FAM120C: variants seen among roughly 807,000 people sequenced by gnomAD.
FAM120C encodes the protein constitutive coactivator of PPAR-gamma-like protein 2.
FAM120C carries 14 observed loss-of-function variants against 71.2 expected under a neutral mutation model. The observed-to-expected ratio is 0.20, with a 90% confidence interval of 0.13 to 0.31. FAM120C has a LOEUF of 0.31. Ranked by LOEUF, FAM120C falls within the 10% of genes least tolerant of loss-of-function variation. The probability of loss-of-function intolerance (pLI) is 1.00; values close to 1 mark genes in which losing one functional copy is unlikely to be tolerated. For synonymous variants in FAM120C, 354 were observed against 353.2 expected (o/e 1.00, Z -0.03); for missense variants, 500 against 879.0 (o/e 0.57, Z 5.45).
chrX:54,112,734 A>G (rs1325558375), intron 10 of FAM120C, among the ~76,000 whole-genome samples: 6 of 108,345 alleles, frequency 5.5e-5, no homozygotes, highest in Non-Finnish European at 1.9e-5. Context: ...CCAGCTACTC[A>G]GGAGGCTGAG....
At chrX:54,096,454 C>A (rs782775399) in intron 10 of FAM120C, among the ~76,000 whole-genome samples, 2 of 111,600 alleles carry the variant, frequency 1.8e-5, no homozygotes, top group South Asian at 7.5e-4. Flanking sequence ...GTAATCTTAC[C>A]ATTTAGATAT....
chrX:54,148,363 T>G (rs5914054), intron 4 of FAM120C, among the ~76,000 whole-genome samples: 6 of 110,566 alleles, frequency 5.4e-5, no homozygotes, highest in Non-Finnish European at 1.1e-4. Flanking sequence ...AACAAAAATG[T>G]TGGCCAGGTG....
chrX:54,104,564 T>C (rs2066896783), intron 10 of FAM120C, among the ~76,000 whole-genome samples: 1 of 111,649 alleles, frequency 9.0e-6, no homozygotes, highest in Admixed American at 9.6e-5. Context: ...TCCCAACACT[T>C]TGAGAGGCCG....
chrX:54,099,409 T>G (rs1327364263), intron 10 of FAM120C, among the ~76,000 whole-genome samples: 3 of 111,767 alleles, frequency 2.7e-5, no homozygotes, highest in Non-Finnish European at 5.6e-5. Context: ...GATACATGGT[T>G]TGCAAATATT....
chrX:54,125,507 T>C (rs185203037), intron 9 of FAM120C, among the ~76,000 whole-genome samples: 2 of 112,059 alleles, frequency 1.8e-5, no homozygotes, highest in East Asian at 5.6e-4. Flanking sequence ...GGTCTCTCCA[T>C]GTTGCCCAGG....
rs1394328074 is a variant in FAM120C at position 54,112,334 on chromosome X, T to C, written c.2312+4211A>G. 1.3e-4 allele frequency among the ~76,000 whole-genome samples: 14 copies of C among 109,976 alleles called. No individual in the cohort carries two copies. In the Admixed American group the frequency reaches 1.3e-3, roughly 10 times the overall value. The stretch of plus-strand genomic sequence containing the variant: ...CGAGAGGCTGAGGCAGGAGAATCGC[T>C]TGAACCCGAAAGGCAGAGGTTGTCG... On this transcript the variant is annotated intron_variant, in intron 10 of 15. Coordinates refer to ENST00000375180, the MANE Select transcript of FAM120C (RefSeq NM_017848.6).
At chrX:54,155,494 A>G (rs782193416) in intron 3 of FAM120C, among the ~76,000 whole-genome samples, 1 of 111,696 alleles carries the variant, frequency 9.0e-6, no homozygotes, top group South Asian at 3.8e-4. Flanking sequence ...TTAACTGAGA[A>G]GTTATACTGG....
chrX:54,102,945 C>T (rs1201948700), intron 10 of FAM120C, among the ~76,000 whole-genome samples: 2 of 110,405 alleles, frequency 1.8e-5, no homozygotes, highest in Non-Finnish European at 3.8e-5. Context: ...GTCTCGATCT[C>T]TTGACCTCAT....
chrX:54,079,881 T>C (rs1268715356), intron 15 of FAM120C, among the ~76,000 whole-genome samples: 2 of 111,817 alleles, frequency 1.8e-5, no homozygotes, highest in African/African-American at 6.5e-5. Flanking sequence ...GCATATCTGG[T>C]GGCCCCTCAG....
At chrX:54,160,605 C>T (rs1426777053) in intron 1 of FAM120C, among the ~76,000 whole-genome samples, 11 of 111,392 alleles carry the variant, frequency 9.9e-5, no homozygotes, top group East Asian at 2.8e-4. Flanking sequence ...ATCTGTATAC[C>T]GGCTCCACCA....
intron 4 of FAM120C, among the ~76,000 whole-genome samples, chrX:54,145,478 C>A (rs1454459509): frequency 8.9e-6 from 1 of 111,804 alleles, no homozygotes; most frequent in African/African-American, 3.2e-5. Flanking sequence ...CAAACAACCC[C>A]ATCAAAAAGT....
At chrX:54,180,566 A>G (rs1557137233) in intron 1 of FAM120C, among the ~76,000 whole-genome samples, 1 of 112,319 alleles carries the variant, frequency 8.9e-6, no homozygotes, top group African/African-American at 3.2e-5. Context: ...CCCAGGAGCC[A>G]AGGAAGAGTT....
At chrX:54,144,669 C>A (rs377587979) in intron 4 of FAM120C, among the ~76,000 whole-genome samples, 1 of 111,962 alleles carries the variant, frequency 8.9e-6, no homozygotes, top group East Asian at 2.8e-4. Context: ...TAAAAGAGGA[C>A]ACAAACAAAT....
intron 15 of FAM120C, among the ~76,000 whole-genome samples, chrX:54,074,538 C>A (rs782158688): frequency 8.9e-6 from 1 of 112,590 alleles, no homozygotes; most frequent in African/African-American, 3.2e-5. Context: ...CCTGCCTCAG[C>A]CTCCCGAGTA....
intron 15 of FAM120C, among the ~76,000 whole-genome samples, chrX:54,076,416 C>T (rs1429895256): frequency 9.1e-6 from 1 of 110,103 alleles, no homozygotes; most frequent in Non-Finnish European, 1.9e-5. Context: ...GACAGGATTA[C>T]AGTGTAACCA....
At chrX:54,160,467 C>T (rs1211237379) in intron 1 of FAM120C, among the ~76,000 whole-genome samples, 2 of 110,774 alleles carry the variant, frequency 1.8e-5, no homozygotes, top group Non-Finnish European at 3.8e-5. Flanking sequence ...GATCTCACTC[C>T]GGAATGCACA....
At chrX:54,167,510 T>G (rs781825697) in intron 1 of FAM120C, among the ~76,000 whole-genome samples, 8 of 111,461 alleles carry the variant, frequency 7.2e-5, no homozygotes, top group Non-Finnish European at 1.5e-4. Flanking sequence ...GTTCAGTGAA[T>G]AGGGGTTGAG....
intron 9 of FAM120C, 45 bp from the exon 10 acceptor site, chrX:54,116,839 C>A: frequency 8.4e-7 from 1 of 1,183,909 alleles, no homozygotes; most frequent in Non-Finnish European, 1.1e-6. Flanking sequence ...GAGAATCTCT[C>A]AGCATTTCTA....
At chrX:54,151,966 C>T (rs184534744) in intron 3 of FAM120C, among the ~76,000 whole-genome samples, 12 of 110,013 alleles carry the variant, frequency 1.1e-4, no homozygotes, top group East Asian at 8.6e-4. Flanking sequence ...ATCTGGAACA[C>T]GTTACAATGG....
Sources: allele counts gnomAD v4.1 joint callset (sites outside exome capture counted in the v4.1 genomes callset), GRCh38; gene constraint gnomAD v4.1.1; transcripts MANE v1.5; gene names NCBI Gene and HGNC (gene_info 2026-07-23, HGNC 2026-07-21).